SH3RF3: variants seen among roughly 807,000 people sequenced by gnomAD.
SH3RF3 encodes E3 ubiquitin-protein ligase SH3RF3.
In SH3RF3, 29 loss-of-function variants were observed where a neutral mutation model predicts 66.3. The ratio of observed to expected loss-of-function variants is 0.44; its 90% CI spans 0.33 to 0.60. The LOEUF (loss-of-function observed/expected upper bound fraction) is 0.60, where lower values mean the gene tolerates loss of function less well. Among genes scored for constraint, SH3RF3 ranks in the 20% least tolerant of loss-of-function variants. SH3RF3 has a pLI of 0.04. For missense variants in SH3RF3, 1,194 were observed against 1,190.9 expected, an observed-to-expected ratio of 1.00 and a Z score of -0.04; for synonymous variants, 583 against 532.0, an observed-to-expected ratio of 1.10 and a Z score of -1.32.
chr2:109,298,466 C>T (rs1368500345), intron 1 of SH3RF3, among the ~76,000 whole-genome samples: 2 of 152,078 alleles, frequency 1.3e-5, no homozygotes, highest in Admixed American at 6.5e-5. Context: ...AGGGAAAAAC[C>T]ATTTCTGAGC....
rs113422765 is a variant in SH3RF3 at position 109,314,387 on chromosome 2, A to G, written c.574-33287A>G. Among the ~76,000 whole-genome samples, 1,176 of 152,294 alleles carry G rather than the reference A, an allele frequency of 7.7e-3. 23 individuals carry two copies. The highest frequency in any genetic ancestry group is 0.027 in the African/African-American group (1,110 of 41,572). The stretch of plus-strand genomic sequence containing the variant: ...GAAGGGTGAATCCCATAGATCTTAT[A>G]AGAGTGATTGTAACCCTGCCTTGGT... On this transcript the variant is annotated intron_variant, in intron 1 of 9. Transcript: ENST00000309415.
At chr2:109,256,920 C>T (rs972350817) in intron 1 of SH3RF3, among the ~76,000 whole-genome samples, 2 of 152,100 alleles carry the variant, frequency 1.3e-5, no homozygotes, top group African/African-American at 2.4e-5. Flanking sequence ...TTTTCATGAA[C>T]GGTGGTGGAT....
chr2:109,162,066 AT>A (rs1166194524), intron 1 of SH3RF3, among the ~76,000 whole-genome samples: 2 of 152,104 alleles, frequency 1.3e-5, no homozygotes, highest in African/African-American at 4.8e-5. Context: ...GAGTTTATGG[AT>A]GCTGATTTGG....
intron 3 of SH3RF3, among the ~76,000 whole-genome samples, chr2:109,385,646 C>G (rs1318171757): frequency 6.6e-6 from 1 of 152,208 alleles, no homozygotes; most frequent in Non-Finnish European, 1.5e-5. Context: ...CTGAGGTCAG[C>G]TGCTTGAGCA....
At chr2:109,389,768 A>G (rs1406429291) in intron 3 of SH3RF3, among the ~76,000 whole-genome samples, 3 of 152,236 alleles carry the variant, frequency 2.0e-5, no homozygotes, top group African/African-American at 7.2e-5. Flanking sequence ...TTACATATGT[A>G]TAATGCGAGT....
chr2:109,466,416 T>C (rs1573275250), intron 8 of SH3RF3, among the ~76,000 whole-genome samples: 1 of 152,148 alleles, frequency 6.6e-6, no homozygotes, highest in East Asian at 1.9e-4. Flanking sequence ...GTTTAGATCT[T>C]TGCTGAGTTT....
Position 109,249,835 on chromosome 2 carries a change from A to C in SH3RF3, c.574-97839A>C, listed in dbSNP as rs532660081. On this transcript the variant is annotated intron_variant, in intron 1 of 9. Coordinates refer to ENST00000309415, the MANE Select transcript of SH3RF3 (RefSeq NM_001099289.3). Reference sequence around the variant, plus strand: ...CCGCGCCCGGCTAATTTTTTGTTTTATTTATTTATTTTTTAATTTTTTTAT... The same window carrying C: ...CCGCGCCCGGCTAATTTTTTGTTTTCTTTATTTATTTTTTAATTTTTTTAT... Among the ~76,000 whole-genome samples, 36 of 148,658 alleles carry C rather than the reference A, an allele frequency of 2.4e-4. No homozygotes were observed. The South Asian group carries it at 3.4e-3, about 14-fold the overall frequency.
intron 1 of SH3RF3, among the ~76,000 whole-genome samples, chr2:109,228,102 A>T (rs1679413916): frequency 6.6e-6 from 1 of 152,220 alleles, no homozygotes; most frequent in African/African-American, 2.4e-5. Flanking sequence ...CTCTTGACAC[A>T]TACAGGCAAT....
At chr2:109,388,678 C>T (rs2104404342) in intron 3 of SH3RF3, among the ~76,000 whole-genome samples, 1 of 152,282 alleles carries the variant, frequency 6.6e-6, no homozygotes. Context: ...GTACTTTGCC[C>T]CCAGCACTAA....
chr2:109,171,834 C>T (rs970426809), intron 1 of SH3RF3, among the ~76,000 whole-genome samples: 1 of 152,238 alleles, frequency 6.6e-6, no homozygotes, highest in Non-Finnish European at 1.5e-5. Flanking sequence ...GGCCTGTCAT[C>T]CAGGAATGAA....
intron 1 of SH3RF3, among the ~76,000 whole-genome samples, chr2:109,201,007 C>T (rs924724075): frequency 6.6e-6 from 1 of 152,164 alleles, no homozygotes; most frequent in Non-Finnish European, 1.5e-5. Context: ...GCAGCAGCAG[C>T]AGCTAAGTGG....
At chr2:109,273,157 A>G (rs1224434716) in intron 1 of SH3RF3, among the ~76,000 whole-genome samples, 2 of 152,232 alleles carry the variant, frequency 1.3e-5, no homozygotes, top group Non-Finnish European at 2.9e-5. Flanking sequence ...TCCGCTGTAC[A>G]GGAAATTAAG....
intron 8 of SH3RF3, among the ~76,000 whole-genome samples, chr2:109,489,822 C>T (rs146094551): frequency 0.023 from 3,490 of 152,284 alleles, 70 homozygotes; most frequent in African/African-American, 0.054. Context: ...ACTGCAACCT[C>T]CACCTCCTGG....
intron 1 of SH3RF3, among the ~76,000 whole-genome samples, chr2:109,287,425 T>C (rs978569862): frequency 1.3e-5 from 2 of 152,106 alleles, no homozygotes; most frequent in Non-Finnish European, 2.9e-5. Flanking sequence ...TATAAAATCT[T>C]TTCTTGAGGT....
chr2:109,266,336 G>GTGTA (rs1558990998), intron 1 of SH3RF3, among the ~76,000 whole-genome samples: 1 of 152,038 alleles, frequency 6.6e-6, no homozygotes, highest in South Asian at 2.1e-4. Context: ...TGTGTTGTGT[G>GTGTA]TGTATGTATG....
intron 7 of SH3RF3, among the ~76,000 whole-genome samples, chr2:109,447,147 T>TAAAAAAAA (rs61240132): frequency 1.2e-5 from 1 of 82,706 alleles, no homozygotes. Context: ...CCTGAATATT[T>TAAAAAAAA]AAAAAAAAAA....
chr2:109,131,571 C>G (rs1676696788), intron 1 of SH3RF3, among the ~76,000 whole-genome samples: 1 of 152,134 alleles, frequency 6.6e-6, no homozygotes, highest in South Asian at 2.1e-4. Context: ...GATGTCCTCT[C>G]AGTTTATCTT....
intron 1 of SH3RF3, among the ~76,000 whole-genome samples, chr2:109,227,295 T>C (rs183558565): frequency 6.6e-6 from 1 of 152,104 alleles, no homozygotes; most frequent in African/African-American, 2.4e-5. Context: ...TCTGTGAATG[T>C]CAGGCACACA....
chr2:109,458,475 G>A (rs1022781685), intron 8 of SH3RF3, among the ~76,000 whole-genome samples: 4 of 151,918 alleles, frequency 2.6e-5, no homozygotes, highest in Non-Finnish European at 4.4e-5. Flanking sequence ...GTGTGAAAAT[G>A]GGAATAATGT....
Sources: allele counts gnomAD v4.1 joint callset (sites outside exome capture counted in the v4.1 genomes callset), GRCh38; gene constraint gnomAD v4.1.1; transcripts MANE v1.5; gene names NCBI Gene and HGNC (gene_info 2026-07-23, HGNC 2026-07-21).